Variants in DLG2 observed in about 807,000 individuals in gnomAD.
DLG2 encodes discs large MAGUK scaffold protein 2.
Under a neutral mutation model 132.5 loss-of-function variants are expected in DLG2, and 45 were observed. The ratio of observed to expected loss-of-function variants is 0.34; its 90% CI spans 0.27 to 0.44. The LOEUF (loss-of-function observed/expected upper bound fraction) is 0.44, where lower values mean the gene tolerates loss of function less well. Ranked by LOEUF, DLG2 falls within the 20% of genes least tolerant of loss-of-function variation. The pLI is 1.00. For missense variants in DLG2, 1,045 were observed against 1,196.9 expected, an observed-to-expected ratio of 0.87 and a Z score of 1.87; for synonymous variants, 424 against 419.6, an observed-to-expected ratio of 1.01 and a Z score of -0.13.
At chr11:85,564,364 C>T (rs1046966162) in intron 3 of DLG2, among the ~76,000 whole-genome samples, 1 of 151,698 alleles carries the variant, frequency 6.6e-6, no homozygotes, top group Non-Finnish European at 1.5e-5. Context: ...ATGTTTTCTT[C>T]TGGAGGTTTT....
chr11:83,850,397 C>T (rs889325043), intron 16 of DLG2, among the ~76,000 whole-genome samples: 3 of 152,150 alleles, frequency 2.0e-5, no homozygotes, highest in Admixed American at 6.5e-5. Flanking sequence ...TTGTGATCCA[C>T]CCCTCTCTGC....
chr11:83,736,155 G>A (rs1375173545), intron 18 of DLG2, among the ~76,000 whole-genome samples: 1 of 152,140 alleles, frequency 6.6e-6, no homozygotes, highest in East Asian at 1.9e-4. Context: ...CTTTTCACAT[G>A]AGGAGCATGA....
intron 19 of DLG2, among the ~76,000 whole-genome samples, chr11:83,558,014 C>G (rs1565793654): frequency 6.6e-6 from 1 of 152,086 alleles, no homozygotes; most frequent in Non-Finnish European, 1.5e-5. Context: ...AATATGGAAT[C>G]TATAAAATAG....
chr11:84,754,482 G>A (rs543805904), intron 6 of DLG2, among the ~76,000 whole-genome samples: 37 of 149,104 alleles, frequency 2.5e-4, no homozygotes, highest in African/African-American at 9.1e-4. Flanking sequence ...TTGTGCATTG[G>A]GGGAATCTGG....
intron 6 of DLG2, chr11:84,687,389 T>C (rs937257053): frequency 6.6e-6 from 1 of 152,162 alleles, no homozygotes; most frequent in Non-Finnish European, 1.5e-5. Flanking sequence ...CTGGTTATTA[T>C]TTCTCCAAAC....
At chr11:84,664,831 G>A (rs1275913887) in intron 6 of DLG2, among the ~76,000 whole-genome samples, 1 of 152,040 alleles carries the variant, frequency 6.6e-6, no homozygotes, top group Non-Finnish European at 1.5e-5. Flanking sequence ...GTGGTAGATT[G>A]TATTTCTGTT....
At chr11:83,727,496 T>C (rs1367638730) in intron 18 of DLG2, among the ~76,000 whole-genome samples, 1 of 152,168 alleles carries the variant, frequency 6.6e-6, no homozygotes, top group Admixed American at 6.6e-5. Context: ...ATGCAAATAT[T>C]GACATCTGGA....
chr11:84,169,446 T>A (rs1181899993), intron 8 of DLG2, among the ~76,000 whole-genome samples: 1 of 152,218 alleles, frequency 6.6e-6, no homozygotes. Flanking sequence ...CAAACAAACT[T>A]GTCTTTTTCT....
rs554204637 is a variant in DLG2 at position 85,373,939 on chromosome 11, A to T, written c.41-88574T>A. On this transcript the variant is annotated intron_variant, in intron 3 of 27. Transcript: ENST00000376104. ...CAGAGCTCCTGTGGATCAGTGGAGG[A>T]TATTATGATAGCCACTTTTCATGTA... 9.9e-5 allele frequency among the ~76,000 whole-genome samples: 15 copies of T among 152,248 alleles called. No individual in the cohort carries two copies. The South Asian group carries it at 3.1e-3, about 32-fold the overall frequency.
intron 6 of DLG2, among the ~76,000 whole-genome samples, chr11:84,903,196 A>G (rs2091107817): frequency 6.6e-6 from 1 of 152,138 alleles, no homozygotes; most frequent in Admixed American, 6.6e-5. Context: ...TGAATTCTAA[A>G]CCTTTAGCGA....
At chr11:84,690,366 C>T (rs183160681) in intron 6 of DLG2, among the ~76,000 whole-genome samples, 25 of 151,300 alleles carry the variant, frequency 1.7e-4, no homozygotes, top group Admixed American at 5.3e-4. Flanking sequence ...ACAATGTATA[C>T]GTAGATCAAA....
intron 11 of DLG2, among the ~76,000 whole-genome samples, chr11:83,999,934 C>CAA (rs770565896): frequency 2.2e-5 from 3 of 135,466 alleles, no homozygotes; most frequent in Admixed American, 7.9e-5. Context: ...ACACAGATAT[C>CAA]AATGTAGTGA....
intron 5 of DLG2, among the ~76,000 whole-genome samples, chr11:85,139,394 A>G (rs1377377362): frequency 6.6e-6 from 1 of 152,100 alleles, no homozygotes; most frequent in Non-Finnish European, 1.5e-5. Flanking sequence ...GCAATGCAAG[A>G]TCTTTAACAT....
intron 6 of DLG2, among the ~76,000 whole-genome samples, chr11:84,645,619 C>T (rs2099673806): frequency 6.6e-6 from 1 of 152,136 alleles, no homozygotes; most frequent in Admixed American, 6.5e-5. Context: ...AGGCGCCCAC[C>T]ACCATGCCCG....
At chr11:85,584,562 T>C (rs1454774822) in intron 3 of DLG2, among the ~76,000 whole-genome samples, 1 of 152,216 alleles carries the variant, frequency 6.6e-6, no homozygotes, top group Non-Finnish European at 1.5e-5. Flanking sequence ...GTTCTACTTT[T>C]AGTTCTTTAA....
intron 3 of DLG2, among the ~76,000 whole-genome samples, chr11:85,517,418 G>T (rs866461281): frequency 6.6e-6 from 1 of 151,988 alleles, no homozygotes. Context: ...CACAATACTA[G>T]AAGTCCTAGC....
At chr11:84,630,289 C>A (rs1422510915) in intron 6 of DLG2, among the ~76,000 whole-genome samples, 1 of 152,130 alleles carries the variant, frequency 6.6e-6, no homozygotes, top group Non-Finnish European at 1.5e-5. Flanking sequence ...GCAACAGAAT[C>A]TTGTAGAAAC....
intron 17 of DLG2, among the ~76,000 whole-genome samples, chr11:83,810,138 TGTGA>T (rs1339488967): frequency 6.6e-6 from 1 of 152,098 alleles, no homozygotes; most frequent in African/African-American, 2.4e-5. Context: ...TTTTCAGGCT[TGTGA>T]GTGTTTGACA....
At chr11:84,873,402 G>A (rs1219023590) in intron 6 of DLG2, among the ~76,000 whole-genome samples, 1 of 152,210 alleles carries the variant, frequency 6.6e-6, no homozygotes, top group Admixed American at 6.5e-5. Context: ...TTTTATACCT[G>A]TAAGACTCAT....
Sources: allele counts gnomAD v4.1 joint callset (sites outside exome capture counted in the v4.1 genomes callset), GRCh38; gene constraint gnomAD v4.1.1; transcripts MANE v1.5; gene names NCBI Gene and HGNC (gene_info 2026-07-23, HGNC 2026-07-21).